DLG2: variants seen among roughly 807,000 people sequenced by gnomAD.
The protein encoded by DLG2 is discs large MAGUK scaffold protein 2.
Under a neutral mutation model 132.5 loss-of-function variants are expected in DLG2, and 45 were observed. The observed-to-expected ratio is 0.34, with a 90% CI of 0.27 to 0.44. DLG2 has a LOEUF of 0.44. DLG2 is among the 20% of genes least tolerant of loss of function. The probability of loss-of-function intolerance (pLI) is 1.00; values close to 1 mark genes in which losing one functional copy is unlikely to be tolerated. For synonymous variants in DLG2, 424 were observed against 419.6 expected (o/e 1.01, Z -0.13); for missense variants, 1,045 against 1,196.9 (o/e 0.87, Z 1.87).
At chr11:84,913,914 T>A (rs971726877) in intron 6 of DLG2, among the ~76,000 whole-genome samples, 2 of 152,208 alleles carry the variant, frequency 1.3e-5, no homozygotes, top group East Asian at 3.8e-4. Context: ...TGCAAAGGGC[T>A]CTTTTATTTG....
intron 17 of DLG2, among the ~76,000 whole-genome samples, chr11:83,811,421 G>A (rs967195540): frequency 2.6e-5 from 4 of 151,914 alleles, no homozygotes; most frequent in African/African-American, 9.7e-5. Flanking sequence ...CTACAGAAAT[G>A]GCAACTTCAT....
chr11:85,427,241 G>T (rs566373649), intron 3 of DLG2, among the ~76,000 whole-genome samples: 1 of 152,122 alleles, frequency 6.6e-6, no homozygotes, highest in Admixed American at 6.5e-5. Context: ...ATCTAGCAAG[G>T]CAGGCCAACA....
intron 3 of DLG2, among the ~76,000 whole-genome samples, chr11:85,458,053 A>T (rs1179513894): frequency 6.6e-6 from 1 of 152,116 alleles, no homozygotes; most frequent in Non-Finnish European, 1.5e-5. Context: ...CTTTCTCTCC[A>T]TCTCTTTCAG....
chr11:84,944,605 A>T (rs75435776), intron 6 of DLG2, among the ~76,000 whole-genome samples: 6 of 133,886 alleles, frequency 4.5e-5, no homozygotes, highest in Non-Finnish European at 4.6e-5. Context: ...GTCTCTGTTA[A>T]TTTTTTTTTT....
intron 6 of DLG2, among the ~76,000 whole-genome samples, chr11:84,558,114 T>A (rs1322122037): frequency 6.6e-6 from 1 of 152,180 alleles, no homozygotes; most frequent in Non-Finnish European, 1.5e-5. Flanking sequence ...TTCAAAGATT[T>A]TTAACTCTAG....
At chr11:84,989,729 T>C (rs962172952) in intron 6 of DLG2, among the ~76,000 whole-genome samples, 21 of 152,176 alleles carry the variant, frequency 1.4e-4, no homozygotes, top group African/African-American at 5.1e-4. Flanking sequence ...ATTTACTACA[T>C]AGCTAGAGTA....
chr11:83,714,193 T>C (rs1254654721), intron 18 of DLG2, among the ~76,000 whole-genome samples: 2 of 147,946 alleles, frequency 1.4e-5, no homozygotes, highest in African/African-American at 2.4e-5. Flanking sequence ...TTTAATATTA[T>C]GTGAAGATTA....
chr11:83,482,394 A>G (rs2093193450), intron 22 of DLG2, among the ~76,000 whole-genome samples: 1 of 152,136 alleles, frequency 6.6e-6, no homozygotes, highest in Non-Finnish European at 1.5e-5. Context: ...CTCTGTTCTC[A>G]TTTCATTGGT....
chr11:83,901,277 G>A (rs1175945770), intron 15 of DLG2, among the ~76,000 whole-genome samples: 1 of 152,154 alleles, frequency 6.6e-6, no homozygotes, highest in Non-Finnish European at 1.5e-5. Flanking sequence ...AAGAATTTGG[G>A]GGTTGTTGGG....
intron 3 of DLG2, among the ~76,000 whole-genome samples, chr11:85,481,700 G>A (rs559515924): frequency 1.3e-5 from 2 of 151,384 alleles, no homozygotes; most frequent in South Asian, 4.2e-4. Context: ...TCTGTAGACT[G>A]CCCCCAGCAT....
chr11:84,231,317 T>C (rs2097090522), intron 8 of DLG2, among the ~76,000 whole-genome samples: 2 of 152,220 alleles, frequency 1.3e-5, no homozygotes, highest in African/African-American at 4.8e-5. Flanking sequence ...AGCCATGGGT[T>C]GTCTAGCTTA....
intron 7 of DLG2, among the ~76,000 whole-genome samples, chr11:84,385,935 G>C (rs147627427): frequency 7.6e-4 from 116 of 152,132 alleles, no homozygotes; most frequent in African/African-American, 2.7e-3. Context: ...TTTTAATTCT[G>C]TAAGTTACCT....
At chr11:84,852,317 T>C (rs532865548) in intron 6 of DLG2, among the ~76,000 whole-genome samples, 2 of 152,134 alleles carry the variant, frequency 1.3e-5, no homozygotes, top group African/African-American at 4.8e-5. Flanking sequence ...GATGATATAA[T>C]TTCAGGCACA....
chr11:84,189,807 C>T (rs1172862425), intron 8 of DLG2, among the ~76,000 whole-genome samples: 1 of 152,044 alleles, frequency 6.6e-6, no homozygotes, highest in Non-Finnish European at 1.5e-5. Context: ...AAACAACACA[C>T]ACTGGGTCTT....
intron 15 of DLG2, among the ~76,000 whole-genome samples, chr11:83,921,679 C>T (rs746649480): frequency 5.3e-5 from 8 of 152,084 alleles, no homozygotes; most frequent in Non-Finnish European, 8.8e-5. Context: ...TAGTTTCCTT[C>T]ACAAAGGAAT....
intron 6 of DLG2, among the ~76,000 whole-genome samples, chr11:85,007,442 C>G (rs533234820): frequency 3.3e-5 from 5 of 151,648 alleles, no homozygotes; most frequent in Admixed American, 2.6e-4. Context: ...GGGTGGATCA[C>G]GAGGTCAGGA....
intron 7 of DLG2, among the ~76,000 whole-genome samples, chr11:84,442,528 G>T (rs1369860714): frequency 6.6e-6 from 1 of 152,054 alleles, no homozygotes; most frequent in African/African-American, 2.4e-5. Flanking sequence ...AGGCCTGTCA[G>T]TGGGTGCGGG....
rs368551206 is a variant in DLG2, at chr11:83,752,085, G to A, written c.1825+34605C>T. 6.6e-5 allele frequency among the ~76,000 whole-genome samples: 10 copies of A among 152,198 alleles called. No individual in the cohort carries two copies. In the East Asian group the frequency reaches 1.5e-3, roughly 24 times the overall value. On this transcript the variant is annotated intron_variant, in intron 18 of 27. Transcript: ENST00000376104. ...AGATCGAGACCATCCTGGCTAACAC[G>A]GTGAAACCCCGTCTCTACTAAAAAT...
chr11:83,974,888 C>T (rs2091967244), intron 12 of DLG2, among the ~76,000 whole-genome samples: 1 of 152,016 alleles, frequency 6.6e-6, no homozygotes, highest in Non-Finnish European at 1.5e-5. Context: ...TCACTTACTA[C>T]TTCCCTTTAA....
Sources: allele counts gnomAD v4.1 joint callset (sites outside exome capture counted in the v4.1 genomes callset), GRCh38; gene constraint gnomAD v4.1.1; transcripts MANE v1.5; gene names NCBI Gene and HGNC (gene_info 2026-07-23, HGNC 2026-07-21).